PLD1: variants seen among roughly 807,000 people sequenced by gnomAD.
PLD1 encodes the protein choline phosphatase 1.
PLD1 carries 112 observed loss-of-function variants against 137.1 expected under a neutral mutation model. That is an observed-to-expected ratio of 0.82 (90% confidence interval 0.70 to 0.96). The LOEUF is 0.96. PLD1 is among the 40% of genes least tolerant of loss of function. PLD1 has a pLI of 0.00. For missense variants in PLD1, 1,321 were observed against 1,342.0 expected, an observed-to-expected ratio of 0.98 and a Z score of 0.24; for synonymous variants, 431 against 454.7, an observed-to-expected ratio of 0.95 and a Z score of 0.66.
chr3:171,611,886 C>G (rs939832040), intron 25 of PLD1, among the ~76,000 whole-genome samples: 1 of 152,006 alleles, frequency 6.6e-6, no homozygotes, highest in African/African-American at 2.4e-5. Context: ...TTGAGACCAG[C>G]CTGGGCAGCA....
chr3:171,744,334 G>A (rs910705116), intron 1 of PLD1, among the ~76,000 whole-genome samples: 2 of 152,132 alleles, frequency 1.3e-5, no homozygotes, highest in African/African-American at 4.8e-5. Context: ...GCCAAGAAAA[G>A]GAGATTCCAA....
chr3:171,642,178 C>T (rs1735809935), intron 23 of PLD1, among the ~76,000 whole-genome samples: 3 of 152,150 alleles, frequency 2.0e-5, no homozygotes, highest in African/African-American at 7.2e-5. Context: ...TCTGAGGCTG[C>T]ACATGGTGGC....
At chr3:171,746,283 G>A (rs566136988) in intron 1 of PLD1, among the ~76,000 whole-genome samples, 15 of 152,324 alleles carry the variant, frequency 9.8e-5, no homozygotes, top group Admixed American at 7.8e-4. Flanking sequence ...CGGGACTGGC[G>A]GGCAGCTCAG....
intron 19 of PLD1, among the ~76,000 whole-genome samples, chr3:171,669,401 CTTTT>C (rs547298409): frequency 2.6e-5 from 4 of 152,052 alleles, no homozygotes; most frequent in Non-Finnish European, 4.4e-5. Flanking sequence ...TTGTTGCAAA[CTTTT>C]TTTGTTTTTG....
Position 171,734,969 on chromosome 3 carries a change from G to A in PLD1, c.436C>T (p.His146Tyr). 1.9e-6 allele frequency: 3 copies of A among 1,586,442 alleles called. No homozygotes were observed. Among genetic ancestry groups the A allele is most frequent in the Non-Finnish European group, 2.6e-6 (3 of 1,155,144 alleles). ...FIRIPIPTRR[H>Y]TFRRQNVREE... ...CTGACGTTTTGCCTCCTAAACGTGT[G>A]TCTAAAACACAAACACACAGAATGC... is the stretch of plus-strand genomic sequence containing the variant. Residue 146 changes from histidine to tyrosine, a missense_variant and splice_region_variant, in exon 5 of 27, where the codon CAC (histidine) becomes TAC (tyrosine). His to Tyr is a moderately conservative substitution (Grantham distance 83). Transcript: ENST00000351298.
At chr3:171,604,688 A>G (rs1174128537) in intron 26 of PLD1, among the ~76,000 whole-genome samples, 1 of 152,212 alleles carries the variant, frequency 6.6e-6, no homozygotes, top group Non-Finnish European at 1.5e-5. Flanking sequence ...GTATGCATCA[A>G]ATGGAGCCGG....
At chr3:171,657,390 G>T (rs578171826) in intron 21 of PLD1, among the ~76,000 whole-genome samples, 16 of 152,264 alleles carry the variant, frequency 1.1e-4, no homozygotes, top group African/African-American at 3.6e-4. Context: ...ATTCCCAAAT[G>T]CATATGCACT....
intron 25 of PLD1, among the ~76,000 whole-genome samples, chr3:171,606,444 G>A (rs1024536769): frequency 6.6e-6 from 1 of 152,184 alleles, no homozygotes; most frequent in Non-Finnish European, 1.5e-5. Flanking sequence ...TCATGCACAT[G>A]CTCATAGGCT....
At chr3:171,640,269 T>C (rs1735627475) in intron 23 of PLD1, among the ~76,000 whole-genome samples, 1 of 152,032 alleles carries the variant, frequency 6.6e-6, no homozygotes, top group Non-Finnish European at 1.5e-5. Context: ...GATTTGAGAT[T>C]TCTTATTTTC....
intron 1 of PLD1, among the ~76,000 whole-genome samples, chr3:171,746,108 G>A (rs1416738965): frequency 6.6e-6 from 1 of 152,224 alleles, no homozygotes; most frequent in Admixed American, 6.5e-5. Flanking sequence ...CTGGGCCTCA[G>A]CCGCCTCCCC....
At chr3:171,704,274 G>A (rs1475893681) in intron 11 of PLD1, among the ~76,000 whole-genome samples, 3 of 152,082 alleles carry the variant, frequency 2.0e-5, no homozygotes, top group East Asian at 3.8e-4. Context: ...AACAAAACCG[G>A]CATTAAAACA....
chr3:171,803,774 A>T (rs1723740359), intron 1 of PLD1, among the ~76,000 whole-genome samples: 1 of 152,182 alleles, frequency 6.6e-6, no homozygotes, highest in South Asian at 2.1e-4. Context: ...CAAGTTACCA[A>T]CATGATATCA....
At chr3:171,790,391 G>T (rs184698503) in intron 1 of PLD1, among the ~76,000 whole-genome samples, 1 of 152,128 alleles carries the variant, frequency 6.6e-6, no homozygotes, top group Non-Finnish European at 1.5e-5. Context: ...ATGATGTTAC[G>T]GTTATTACTG....
chr3:171,635,066 T>A (rs1241418573), intron 23 of PLD1, among the ~76,000 whole-genome samples: 1 of 152,122 alleles, frequency 6.6e-6, no homozygotes, highest in Non-Finnish European at 1.5e-5. Flanking sequence ...TAGTGTAAGG[T>A]CTTCGAGGTT....
chr3:171,736,281 C>T (rs1351333571), intron 3 of PLD1, among the ~76,000 whole-genome samples: 1 of 151,908 alleles, frequency 6.6e-6, no homozygotes, highest in African/African-American at 2.4e-5. Context: ...TTGTAATAAA[C>T]CTATAATGTA....
chr3:171,666,410 G>A (rs540986439), intron 19 of PLD1: 3 of 152,174 alleles, frequency 2.0e-5, no homozygotes, highest in Admixed American at 6.6e-5. Context: ...ACTATCACAA[G>A]AACAGCACGG....
intron 23 of PLD1, among the ~76,000 whole-genome samples, chr3:171,641,453 A>G (rs1735733728): frequency 6.6e-6 from 1 of 152,180 alleles, no homozygotes. Flanking sequence ...TGGAAAGTCT[A>G]TTATTTTCTA....
chr3:171,802,335 G>T (rs1166002225), intron 1 of PLD1, among the ~76,000 whole-genome samples: 3 of 152,196 alleles, frequency 2.0e-5, no homozygotes. Flanking sequence ...TAGGTGAAAG[G>T]CTGGAACAGG....
intron 11 of PLD1, among the ~76,000 whole-genome samples, chr3:171,708,466 G>A (rs1716873853): frequency 6.6e-6 from 1 of 152,186 alleles, no homozygotes; most frequent in Non-Finnish European, 1.5e-5. Context: ...CTCTATAACT[G>A]TACTTGCATT....
Sources: allele counts gnomAD v4.1 joint callset (sites outside exome capture counted in the v4.1 genomes callset), GRCh38; gene constraint gnomAD v4.1.1; transcripts MANE v1.5; gene names NCBI Gene and HGNC (gene_info 2026-07-23, HGNC 2026-07-21).